Variants in PDE10A observed in about 807,000 individuals in gnomAD.
The protein encoded by PDE10A is phosphodiesterase 10A.
A neutral mutation model predicts 97.7 loss-of-function variants in PDE10A; 39 were observed. The ratio of observed to expected loss-of-function variants is 0.40; its 90% CI spans 0.31 to 0.52. The LOEUF (loss-of-function observed/expected upper bound fraction) is 0.52. PDE10A is among the 20% of genes least tolerant of loss of function. The pLI is 0.56. For missense variants in PDE10A, 731 were observed against 1,047.8 expected, an observed-to-expected ratio of 0.70 and a Z score of 4.17; for synonymous variants, 371 against 376.8, an observed-to-expected ratio of 0.98 and a Z score of 0.18.
chr6:165,628,847 T>C (rs978891657), intron 1 of PDE10A, among the ~76,000 whole-genome samples: 2 of 152,178 alleles, frequency 1.3e-5, no homozygotes, highest in African/African-American at 4.8e-5. Context: ...ATAGCATTTT[T>C]TCATATAAAA....
intron 3 of PDE10A, among the ~76,000 whole-genome samples, chr6:165,469,579 C>T (rs374380057): frequency 6.6e-4 from 101 of 152,284 alleles, no homozygotes; most frequent in African/African-American, 2.2e-3. Flanking sequence ...AAGATGAATA[C>T]GGACTTTTCT....
At chr6:165,457,679 G>A (rs893695443) in intron 3 of PDE10A, among the ~76,000 whole-genome samples, 4 of 152,220 alleles carry the variant, frequency 2.6e-5, no homozygotes, top group South Asian at 2.1e-4. Context: ...GGTGCCTCAG[G>A]GCATTTGGAA....
chr6:165,839,337 C>T (rs73789024), intron 1 of PDE10A, among the ~76,000 whole-genome samples: 375 of 152,326 alleles, frequency 2.5e-3, no homozygotes, highest in African/African-American at 8.2e-3. Flanking sequence ...TTATCTCAAA[C>T]TTTTAATGAG....
In PDE10A at chr6:165,388,559, C is replaced by T. The variant is rs1785459050; in HGVS notation, c.2455-106G>A. On this transcript the variant is annotated intron_variant, in intron 16 of 21. Coordinates refer to ENST00000539869, the MANE Select transcript of PDE10A (RefSeq NM_001385079.1). This position sits in a 1 kb window ranked among gnomAD's most constrained non-coding sequence, Gnocchi z 4.0. ...ATTACTTTCTGGCATTAATATAGCA[C>T]AAATACAGCATTCTGGCATAAAGAA... The T allele has an allele frequency of 3.2e-6, 3 of 942,662 alleles. No individual in the cohort carries two copies. The highest frequency in any genetic ancestry group is 1.6e-5 in the African/African-American group (1 of 62,392). 58.4% of individuals were successfully genotyped at this position (942,662 alleles called of 1,614,324 possible).
intron 16 of PDE10A, among the ~76,000 whole-genome samples, chr6:165,391,688 C>G (rs1194631912): frequency 1.3e-5 from 2 of 152,238 alleles, no homozygotes; most frequent in Non-Finnish European, 2.9e-5. Context: ...GCAACAAAAA[C>G]TAGAGGATAA....
chr6:165,548,587 T>C (rs1783854971), intron 1 of PDE10A, among the ~76,000 whole-genome samples: 1 of 152,180 alleles, frequency 6.6e-6, no homozygotes, highest in Non-Finnish European at 1.5e-5. Flanking sequence ...GAGATGTAGG[T>C]TCCATTTGGG....
intron 1 of PDE10A, among the ~76,000 whole-genome samples, chr6:165,962,276 C>T (rs1240952995): frequency 6.6e-6 from 1 of 152,228 alleles, no homozygotes; most frequent in East Asian, 1.9e-4. Context: ...TACAGGGAAG[C>T]TGGCCATTTG....
At chr6:165,956,272 T>G (rs532515524) in intron 1 of PDE10A, among the ~76,000 whole-genome samples, 48 of 152,338 alleles carry the variant, frequency 3.2e-4, no homozygotes, top group African/African-American at 1.1e-3. Context: ...AATACTATTA[T>G]TTATTTCTCC....
intron 1 of PDE10A, among the ~76,000 whole-genome samples, chr6:165,835,699 G>A (rs66764126): frequency 0.06 from 9,098 of 152,134 alleles, 385 homozygotes; most frequent in African/African-American, 0.12. Context: ...CGGAGCTCCC[G>A]CCAATGCACC....
rs990505808 is a variant in PDE10A at position 165,556,782 on chromosome 6, A to G, written c.866-13214T>C. 3.2e-4 allele frequency among the ~76,000 whole-genome samples: 49 copies of G among 152,146 alleles called. 2 individuals are homozygous for G. The highest frequency in any genetic ancestry group is 2.9e-5 in the Non-Finnish European group (2 of 68,026). ...AATCACTTTCCACATTTAAAATAAGAATTTAAAATCTATGACTGTCTACTG... is the reference window on the plus strand; with the variant it reads ...AATCACTTTCCACATTTAAAATAAGGATTTAAAATCTATGACTGTCTACTG... On this transcript the variant is annotated intron_variant, in intron 1 of 21. Coordinates refer to ENST00000539869, the MANE Select transcript of PDE10A (RefSeq NM_001385079.1).
intron 10 of PDE10A, among the ~76,000 whole-genome samples, chr6:165,423,851 GA>G (rs11421666): frequency 0.13 from 17,967 of 142,500 alleles, 1,117 homozygotes; most frequent in South Asian, 0.16. Flanking sequence ...TATGTCTCAG[GA>G]AAAAAAAAAA....
intron 20 of PDE10A, among the ~76,000 whole-genome samples, chr6:165,337,893 T>C (rs1163198748): frequency 6.6e-6 from 1 of 151,998 alleles, no homozygotes; most frequent in South Asian, 2.1e-4. Flanking sequence ...TCCAAACAAG[T>C]CAATAAATCA....
intron 9 of PDE10A, among the ~76,000 whole-genome samples, chr6:165,429,995 CATAA>C (rs1789438838): frequency 6.6e-6 from 1 of 152,064 alleles, no homozygotes; most frequent in South Asian, 2.1e-4. Context: ...TATTCTCCTG[CATAA>C]ATAGAGATAT....
intron 1 of PDE10A, among the ~76,000 whole-genome samples, chr6:165,888,179 C>T (rs551855349): frequency 5.6e-4 from 86 of 152,242 alleles, no homozygotes; most frequent in African/African-American, 2.0e-3. Flanking sequence ...TCTTTGCTCA[C>T]CCCTCCATCC....
intron 1 of PDE10A, among the ~76,000 whole-genome samples, chr6:165,704,025 C>T (rs1009880291): frequency 1.3e-5 from 2 of 152,196 alleles, no homozygotes; most frequent in African/African-American, 2.4e-5. Flanking sequence ...TACACACGCC[C>T]AAACATATTC....
intron 1 of PDE10A, among the ~76,000 whole-genome samples, chr6:165,641,158 G>A (rs1583697403): frequency 6.6e-6 from 1 of 152,100 alleles, no homozygotes; most frequent in East Asian, 1.9e-4. Context: ...GACACGTGGG[G>A]GCCAGTAAGG....
At chr6:165,865,169 A>C (rs889507923) in intron 1 of PDE10A, among the ~76,000 whole-genome samples, 1 of 152,102 alleles carries the variant, frequency 6.6e-6, no homozygotes, top group Non-Finnish European at 1.5e-5. Flanking sequence ...GCCACTGAAA[A>C]ACTCACAGAC....
chr6:165,665,119 A>G (rs1790465829), upstream of PDE10A, among the ~76,000 whole-genome samples: 1 of 152,248 alleles, frequency 6.6e-6, no homozygotes, highest in Non-Finnish European at 1.5e-5. Context: ...ATCACAAGGC[A>G]TAACAACGGA....
At chr6:165,764,638 G>A (rs1777764853) in intron 1 of PDE10A, among the ~76,000 whole-genome samples, 1 of 152,178 alleles carries the variant, frequency 6.6e-6, no homozygotes, top group East Asian at 1.9e-4. Context: ...CTTTTAAGGC[G>A]ACGCGTCTGG....
Sources: allele counts gnomAD v4.1 joint callset (sites outside exome capture counted in the v4.1 genomes callset), GRCh38; gene constraint gnomAD v4.1.1; non-coding constraint Gnocchi (gnomAD v3.1); transcripts MANE v1.5; gene names NCBI Gene and HGNC (gene_info 2026-07-23, HGNC 2026-07-21).